The following UNC80 variants were observed in gnomAD, a reference collection of about 807,000 sequenced individuals.
UNC80 encodes unc-80 subunit of NALCN channel complex.
Under a neutral mutation model 384.6 loss-of-function variants are expected in UNC80, and 164 were observed. That is an observed-to-expected ratio of 0.43 (90% confidence interval 0.38 to 0.49). The LOEUF is 0.49. UNC80 is among the 20% of genes least tolerant of loss of function. The pLI is 0.00. For synonymous variants in UNC80, 1,486 were observed against 1,527.8 expected (o/e 0.97, Z 0.64); for missense variants, 3,330 against 4,143.0 (o/e 0.80, Z 5.39).
chr2:209,837,773 C>CTT (rs747171151), intron 18 of UNC80, among the ~76,000 whole-genome samples: 3 of 141,460 alleles, frequency 2.1e-5, no homozygotes, highest in Admixed American at 1.4e-4. Context: ...GTACCTACAT[C>CTT]TTTTTTTTTT....
At chr2:209,982,598 T>G (rs1020822170) in intron 60 of UNC80, 2 of 264,092 alleles carry the variant, frequency 7.6e-6, no homozygotes, top group African/African-American at 4.4e-5. Flanking sequence ...ATGGCATTCT[T>G]GTATTTCAGA....
chr2:209,775,950 C>A lies in UNC80; in HGVS notation c.203C>A (p.Ala68Asp). Residue 68 changes from alanine (A) to aspartate (D), a missense_variant, in exon 3 of 65, where the codon GCC (alanine) becomes GAC (aspartate). Ala to Asp is a moderately radical substitution (Grantham distance 126). This residue lies in a region of UNC80 where 86 missense variants were observed against 141.5 expected (regional missense o/e 0.61). Transcript: ENST00000673920. ...LHGLSPALSE[A>D]IQSISRWELV... ...GGCCTCTCTCCAGCTCTCTCTGAAG[C>A]CATCCAGAGCATTTCCAGATGGGAA... The A allele has an allele frequency of 6.2e-7, 1 of 1,614,140 alleles. No individual in the cohort carries two copies. Among genetic ancestry groups the A allele is most frequent in the South Asian group, 1.1e-5 (1 of 91,086 alleles).
chr2:209,992,423 A>C (rs2093409085), intron 62 of UNC80, among the ~76,000 whole-genome samples, 176 bp downstream of exon 62: 1 of 152,020 alleles, frequency 6.6e-6, no homozygotes, highest in African/African-American at 2.4e-5. Flanking sequence ...CAGCCTGGGC[A>C]ACATAGTAAG....
At chr2:209,797,328 C>A (rs918034617) in intron 7 of UNC80, among the ~76,000 whole-genome samples, 1 of 152,136 alleles carries the variant, frequency 6.6e-6, no homozygotes, top group Non-Finnish European at 1.5e-5. Context: ...TCACCTCACC[C>A]CCAACCCCAC....
At chr2:209,826,807 T>A (rs1445265103) in intron 14 of UNC80, among the ~76,000 whole-genome samples, 2 of 151,936 alleles carry the variant, frequency 1.3e-5, no homozygotes, top group African/African-American at 4.8e-5. Flanking sequence ...GAAAATATTC[T>A]CTTAAAAAAA....
intron 7 of UNC80, among the ~76,000 whole-genome samples, 179 bp from the exon 8 acceptor site, chr2:209,813,401 A>C (rs2079506226): frequency 6.6e-6 from 1 of 152,172 alleles, no homozygotes; most frequent in Admixed American, 6.5e-5. Flanking sequence ...TACTTTCAGG[A>C]GATGTTTAGT....
rs1348258113 is a variant in UNC80, at chr2:209,999,231, TG to T, written c.*3637del. ...CTGAAATGTTTATGAAAGATATTTA[TG>T]AAAGATATTAAGACTTCTGTGTTTA... On this transcript the variant is annotated 3_prime_UTR_variant, in exon 65 of 65. Transcript: ENST00000673920. 6.6e-6 allele frequency: 1 copy of T among 152,176 alleles called. No homozygotes were observed. Among genetic ancestry groups the T allele is most frequent in the East Asian group, 1.9e-4 (1 of 5,204 alleles). 9.4% of individuals were successfully genotyped at this position (152,176 alleles called of 1,614,324 possible). A position where few individuals can be genotyped will look rare whatever the true frequency, so the allele number is the denominator to read the frequency against.
intron 22 of UNC80, among the ~76,000 whole-genome samples, chr2:209,851,865 A>G (rs1479942758): frequency 6.6e-6 from 1 of 151,914 alleles, no homozygotes; most frequent in Non-Finnish European, 1.5e-5. Context: ...TACCATACTG[A>G]CTCTCTTATT....
intron 17 of UNC80, 80 bp from the exon 18 acceptor site, chr2:209,834,831 GT>G: frequency 8.4e-7 from 1 of 1,186,648 alleles, no homozygotes; most frequent in Non-Finnish European, 1.2e-6. Context: ...ACAACAGAGT[GT>G]TTTGTTTTAT....
chr2:209,957,508 C>A, intron 48 of UNC80, 136 bp from the exon 49 acceptor site: 1 of 696,564 alleles, frequency 1.4e-6, no homozygotes, highest in Non-Finnish European at 2.3e-6. Flanking sequence ...AAGCCCAAAG[C>A]TAGACAGCCT....
In UNC80 at chr2:209,982,186, T is replaced by C. The variant is rs1171416398; in HGVS notation, c.9126T>C (p.Ser3042=). ...RTDEEDEEND[S]ISMPSVVSEQ... ...TTCCTTTGCCCCTTTTAGATGACTC[T>C]ATAAGCATGCCCAGCGTGGTAAGTG... Residue 3042 remains serine (S), a synonymous_variant, in exon 60 of 65, where the codon TCT becomes TCC. Transcript: ENST00000673920. 13 of 1,551,316 alleles carry C rather than the reference T, an allele frequency of 8.4e-6. No individual in the cohort carries two copies. Among genetic ancestry groups the C allele is most frequent in the Non-Finnish European group, 1.1e-5 (13 of 1,146,864 alleles).
At chr2:209,874,917 C>G (rs1437048540) in intron 23 of UNC80, among the ~76,000 whole-genome samples, 1 of 152,082 alleles carries the variant, frequency 6.6e-6, no homozygotes, top group African/African-American at 2.4e-5. Context: ...TTATTGATAC[C>G]ACCGTCATCT....
intron 14 of UNC80, among the ~76,000 whole-genome samples, chr2:209,828,773 T>TC (rs1277636547): frequency 1.3e-5 from 2 of 152,192 alleles, no homozygotes; most frequent in African/African-American, 4.8e-5. Flanking sequence ...TCGGTCATTG[T>TC]CCCATTTCAT....
At chr2:209,922,895 T>C (rs74557836) in intron 35 of UNC80, among the ~76,000 whole-genome samples, 11,299 of 152,228 alleles carry the variant, frequency 0.074, 906 homozygotes, top group African/African-American at 0.2. Flanking sequence ...TAATGACAAA[T>C]GGTATGGAGC....
At chr2:209,907,257 T>C (rs144544351) in intron 29 of UNC80, among the ~76,000 whole-genome samples, 174 of 141,032 alleles carry the variant, frequency 1.2e-3, no homozygotes, top group African/African-American at 4.5e-3. Flanking sequence ...TGGACCATGC[T>C]GAGCCCATAC....
In UNC80 at chr2:209,931,364, A is replaced by AACACACACACACAC. The variant is rs61386739; in HGVS notation, c.5994+350_5994+363dup. The stretch of plus-strand genomic sequence containing the variant: ...TCCTCTTTTCCTATCTCTATGTTTA[A>AACACACACACACAC]ACACACACACACACACACACACACA... On this transcript the variant is annotated intron_variant, in intron 38 of 64. Transcript: ENST00000673920. 1.2e-3 allele frequency among the ~76,000 whole-genome samples: 156 copies of AACACACACACACAC among 125,556 alleles called. 1 individual carries two copies. The highest frequency in any genetic ancestry group is 1.2e-3 in the Non-Finnish European group (74 of 59,258). 82.4% of individuals were successfully genotyped at this position (125,556 alleles called of 152,430 possible).
intron 56 of UNC80, among the ~76,000 whole-genome samples, chr2:209,973,576 G>A (rs1235237402): frequency 6.6e-6 from 1 of 152,194 alleles, no homozygotes. Context: ...TTACTTGGCT[G>A]TTTTATATAT....
chr2:209,789,644 A>T, intron 6 of UNC80, 39 bp downstream of exon 6: 1 of 1,441,586 alleles, frequency 6.9e-7, no homozygotes, highest in Non-Finnish European at 9.8e-7. Flanking sequence ...GGAGGCAGAA[A>T]GTCCTTGGAC....
chr2:209,969,686 A>G (rs75089244), intron 52 of UNC80, 82 bp from the exon 53 acceptor site: 41,157 of 1,516,592 alleles, frequency 0.027, 1,270 homozygotes, highest in South Asian at 0.13. Flanking sequence ...CTTAGATGGC[A>G]TCAGAATCAC....
Sources: allele counts gnomAD v4.1 joint callset (sites outside exome capture counted in the v4.1 genomes callset), GRCh38; gene constraint gnomAD v4.1.1; regional missense constraint gnomAD v4.1.1; transcripts MANE v1.5; gene names NCBI Gene and HGNC (gene_info 2026-07-23, HGNC 2026-07-21).